RBFOX1: variants seen among roughly 807,000 people sequenced by gnomAD.
RBFOX1 encodes the protein RNA binding fox-1 homolog 1.
RBFOX1 carries 8 observed loss-of-function variants against 57.7 expected under a neutral mutation model. The ratio of observed to expected loss-of-function variants is 0.14; its 90% CI spans 0.08 to 0.25. RBFOX1 has a LOEUF of 0.25. Ranked by LOEUF, RBFOX1 falls within the 10% of genes least tolerant of loss-of-function variation. The pLI is 1.00. For missense variants in RBFOX1, 611 were observed against 548.5 expected (o/e 1.11, Z -1.14); for synonymous variants, 326 against 222.4 (o/e 1.47, Z -4.15).
intron 4 of RBFOX1, among the ~76,000 whole-genome samples, chr16:7,088,615 T>G (rs1275980833): frequency 2.0e-5 from 3 of 152,202 alleles, no homozygotes; most frequent in Non-Finnish European, 4.4e-5. Context: ...ATTACAATAT[T>G]TAACTCTTGA....
At chr16:7,465,685 C>T (rs917621254) in intron 4 of RBFOX1, among the ~76,000 whole-genome samples, 6 of 152,140 alleles carry the variant, frequency 3.9e-5, no homozygotes, top group African/African-American at 1.4e-4. Context: ...CCCTGGGGAT[C>T]CTTTGCTTCT....
chr16:7,147,790 GT>G (rs1239506174), intron 4 of RBFOX1, among the ~76,000 whole-genome samples: 1 of 152,156 alleles, frequency 6.6e-6, no homozygotes, highest in Admixed American at 6.5e-5. Context: ...GTGAGTGCGT[GT>G]GTCTTTTTGG....
At chr16:6,581,054 C>G (rs950318297) in intron 2 of RBFOX1, among the ~76,000 whole-genome samples, 2 of 152,016 alleles carry the variant, frequency 1.3e-5, no homozygotes, top group African/African-American at 4.8e-5. Context: ...ATTTCTCCCA[C>G]TTCATTTTCT....
Position 7,347,286 on chromosome 16 carries a change from C to T in RBFOX1, c.28-170861C>T, listed in dbSNP as rs2097030202. On this transcript the variant is annotated intron_variant, in intron 4 of 15. Transcript: ENST00000550418. ...AAATGAGAGAGGCTTATTGGGCTTA[C>T]AGTTCCAGGTGGCTGGGGAGCCCTC... is the stretch of plus-strand genomic sequence containing the variant. 2.6e-5 allele frequency among the ~76,000 whole-genome samples: 4 copies of T among 152,176 alleles called. No homozygotes were observed. The South Asian group carries it at 8.3e-4, about 32-fold the overall frequency.
At chr16:7,682,864 T>G (rs565992823) in intron 14 of RBFOX1, among the ~76,000 whole-genome samples, 1 of 149,056 alleles carries the variant, frequency 6.7e-6, no homozygotes, top group Non-Finnish European at 1.5e-5. Context: ...TTTTGCCTAT[T>G]CAGACTCTCC....
intron 11 of RBFOX1, among the ~76,000 whole-genome samples, chr16:7,648,414 G>A (rs117249797): frequency 0.013 from 2,003 of 152,062 alleles, 26 homozygotes; most frequent in Non-Finnish European, 0.02. Context: ...TAGTAGAGAC[G>A]GGGTTACATC....
chr16:6,307,059 G>T (rs13380623), intron 1 of RBFOX1, among the ~76,000 whole-genome samples: 1 of 152,040 alleles, frequency 6.6e-6, no homozygotes, highest in Admixed American at 6.6e-5. Context: ...TTACATCAGC[G>T]TAAGGACTTC....
chr16:5,536,282 T>C (rs1030873861), intron 2 of RBFOX1, among the ~76,000 whole-genome samples: 2 of 145,094 alleles, frequency 1.4e-5, no homozygotes, highest in Non-Finnish European at 3.0e-5. Context: ...TCGCCTAGGC[T>C]GGAGTGCAGT....
intron 2 of RBFOX1, among the ~76,000 whole-genome samples, chr16:5,474,381 C>T (rs762791339): frequency 2.6e-5 from 4 of 152,190 alleles, no homozygotes; most frequent in Non-Finnish European, 4.4e-5. Context: ...CGGCTAGGCG[C>T]GATGGCTCAC....
intron 3 of RBFOX1, among the ~76,000 whole-genome samples, chr16:6,719,026 TG>T (rs1398225635): frequency 1.3e-5 from 2 of 152,024 alleles, no homozygotes; most frequent in East Asian, 3.9e-4. Context: ...TCAACGTGCC[TG>T]GCTAAATTTT....
intron 3 of RBFOX1, among the ~76,000 whole-genome samples, chr16:6,676,353 T>G (rs2057683925): frequency 6.6e-6 from 1 of 152,056 alleles, no homozygotes; most frequent in African/African-American, 2.4e-5. Flanking sequence ...AGTCATGAGC[T>G]GTTTCGTTTT....
At chr16:6,973,752 T>C (rs1196334096) in intron 3 of RBFOX1, among the ~76,000 whole-genome samples, 1 of 152,206 alleles carries the variant, frequency 6.6e-6, no homozygotes, top group East Asian at 1.9e-4. Flanking sequence ...AACTGCACTG[T>C]GTTACCCATT....
intron 3 of RBFOX1, among the ~76,000 whole-genome samples, chr16:6,899,186 T>C (rs542113106): frequency 2.0e-3 from 210 of 103,224 alleles, no homozygotes; most frequent in African/African-American, 6.9e-3. Flanking sequence ...GTATAATATG[T>C]GTGTGAGTGC....
intron 3 of RBFOX1, among the ~76,000 whole-genome samples, chr16:5,680,955 A>C (rs144464187): frequency 0.021 from 3,217 of 152,124 alleles, 54 homozygotes; most frequent in South Asian, 0.049. Context: ...AAAATTAGCA[A>C]CTATAAAAAG....
chr16:6,412,430 G>C (rs941090137), intron 2 of RBFOX1, among the ~76,000 whole-genome samples: 1 of 152,152 alleles, frequency 6.6e-6, no homozygotes, highest in Admixed American at 6.5e-5. Flanking sequence ...GAGGATGCCT[G>C]TTTGTTCAAT....
intron 4 of RBFOX1, among the ~76,000 whole-genome samples, chr16:7,447,149 C>T (rs190185944): frequency 6.6e-6 from 1 of 151,806 alleles, no homozygotes; most frequent in East Asian, 2.0e-4. Context: ...GTGACACTTA[C>T]AGAATTTGGG....
chr16:6,450,826 T>TGTGTATATATATATATATATAC (rs2094593872), intron 2 of RBFOX1, among the ~76,000 whole-genome samples: 1 of 32,916 alleles, frequency 3.0e-5, no homozygotes, highest in African/African-American at 1.7e-4. Context: ...TACATATATA[T>TGTGTATATATATATATATATAC]ATATATATAT....
intron 2 of RBFOX1, among the ~76,000 whole-genome samples, chr16:6,610,072 GA>G (rs1319465414): frequency 2.6e-5 from 4 of 151,976 alleles, no homozygotes; most frequent in African/African-American, 9.6e-5. Flanking sequence ...TGATGTGGGG[GA>G]AAATGGCCAG....
chr16:5,720,163 C>T (rs919488139), intron 3 of RBFOX1, among the ~76,000 whole-genome samples: 2 of 152,156 alleles, frequency 1.3e-5, no homozygotes, highest in African/African-American at 4.8e-5. Flanking sequence ...TGTATTTCTC[C>T]AGTTACTAAT....
Sources: gnomAD v4.1 joint callset for allele counts (sites outside exome capture counted in the v4.1 genomes callset) on GRCh38, gnomAD v4.1.1 for gene constraint, MANE v1.5 for transcripts, NCBI Gene and HGNC (gene_info 2026-07-23, HGNC 2026-07-21) for gene names.